ANKS1B: variants seen among roughly 807,000 people sequenced by gnomAD.
ANKS1B encodes ankyrin repeat and sterile alpha motif domain containing 1B.
Under a neutral mutation model 148.3 loss-of-function variants are expected in ANKS1B, and 36 were observed. That is an observed-to-expected ratio of 0.24 (90% CI 0.19 to 0.32). ANKS1B has a LOEUF of 0.32. Ranked by LOEUF, ANKS1B falls within the 10% of genes least tolerant of loss-of-function variation. ANKS1B has a pLI of 1.00. For missense variants in ANKS1B, 1,157 were observed against 1,542.6 expected (o/e 0.75, Z 4.19); for synonymous variants, 542 against 560.8 (o/e 0.97, Z 0.47).
Position 99,575,628 on chromosome 12 carries a change from C to T in ANKS1B, c.1273-70987G>A, listed in dbSNP as rs944159825. Among the ~76,000 whole-genome samples the T allele has an allele frequency of 1.1e-4, 17 of 152,084 alleles. No individual in the cohort carries two copies. In the East Asian group the frequency reaches 2.5e-3, roughly 22 times the overall value. ...AACCCCTTATCAAATCATCAGATCT[C>T]GTGAGACTTATTCACTACCACGAGA... On this transcript the variant is annotated intron_variant, in intron 9 of 26. Transcript: ENST00000683438.
At chr12:98,958,708 A>C (rs1156598349) in intron 17 of ANKS1B, among the ~76,000 whole-genome samples, 1 of 152,250 alleles carries the variant, frequency 6.6e-6, no homozygotes, top group Non-Finnish European at 1.5e-5. Context: ...AATAAGCTAT[A>C]AACATTTTAA....
chr12:99,740,404 C>T (rs1323115253), intron 8 of ANKS1B, among the ~76,000 whole-genome samples: 2 of 152,184 alleles, frequency 1.3e-5, no homozygotes, highest in Non-Finnish European at 2.9e-5. Flanking sequence ...TGCAGCACCT[C>T]TGTGAAATAT....
intron 1 of ANKS1B, among the ~76,000 whole-genome samples, chr12:99,914,447 TAAC>T (rs1271787088): frequency 1.3e-5 from 2 of 152,200 alleles, no homozygotes; most frequent in Non-Finnish European, 2.9e-5. Context: ...GAGTATGTGT[TAAC>T]TACTCGAGAA....
chr12:98,863,114 T>C (rs972236779), intron 17 of ANKS1B, among the ~76,000 whole-genome samples: 1 of 152,230 alleles, frequency 6.6e-6, no homozygotes, highest in Non-Finnish European at 1.5e-5. Flanking sequence ...CACAAAGACA[T>C]GCTTTACAGA....
At chr12:99,285,906 C>T (rs35218099) in intron 12 of ANKS1B, among the ~76,000 whole-genome samples, 12,876 of 152,098 alleles carry the variant, frequency 0.085, 711 homozygotes, top group Admixed American at 0.13. Context: ...GCAGTATTGT[C>T]AGAATTCTGA....
intron 14 of ANKS1B, among the ~76,000 whole-genome samples, chr12:99,225,362 C>T (rs984770587): frequency 3.3e-5 from 5 of 152,042 alleles, no homozygotes; most frequent in African/African-American, 9.7e-5. Flanking sequence ...TCAAGAAGCT[C>T]AGAGTCAAGT....
intron 15 of ANKS1B, among the ~76,000 whole-genome samples, chr12:99,132,148 T>G (rs2066307677): frequency 6.6e-6 from 1 of 151,890 alleles, no homozygotes; most frequent in Admixed American, 6.6e-5. Context: ...GAACTGCAAC[T>G]CGTGTTGGGG....
chr12:99,040,705 T>C (rs1182008684), intron 17 of ANKS1B, among the ~76,000 whole-genome samples: 1 of 152,190 alleles, frequency 6.6e-6, no homozygotes, highest in Admixed American at 6.5e-5. Context: ...GGATATATGA[T>C]GTATATATGA....
chr12:99,700,827 T>C (rs1333334532), intron 8 of ANKS1B, among the ~76,000 whole-genome samples: 1 of 152,190 alleles, frequency 6.6e-6, no homozygotes, highest in Admixed American at 6.5e-5. Context: ...TGTTCTGCAA[T>C]TCAATAAAAC....
chr12:98,807,622 C>T (rs909493002), intron 20 of ANKS1B, among the ~76,000 whole-genome samples: 5 of 152,154 alleles, frequency 3.3e-5, no homozygotes, highest in African/African-American at 9.7e-5. Context: ...TTTAACCATA[C>T]ACTTTAAAAC....
In ANKS1B at chr12:99,733,708, C is replaced by T. The variant is rs79647241; in HGVS notation, c.1128+39214G>A. Among the ~76,000 whole-genome samples, 47 of 152,284 alleles carry T rather than the reference C, an allele frequency of 3.1e-4. No homozygotes were observed. The East Asian group carries it at 8.9e-3, about 29-fold the overall frequency. The stretch of plus-strand genomic sequence containing the variant: ...AACCCAGGATGTTATAATTCTAATA[C>T]TCACCCAATGCACTAATTATCAAGA... On this transcript the variant is annotated intron_variant, in intron 8 of 26. Coordinates refer to ENST00000683438, the MANE Select transcript of ANKS1B (RefSeq NM_001352186.2).
chr12:99,448,923 T>G (rs937586365), intron 10 of ANKS1B, among the ~76,000 whole-genome samples: 1 of 152,220 alleles, frequency 6.6e-6, no homozygotes, highest in South Asian at 2.1e-4. Flanking sequence ...ATTGAAGTAA[T>G]GCTAGACAGA....
rs1291138847 is a variant in ANKS1B, at chr12:99,068,234, A to G, written c.2626-14925T>C. On this transcript the variant is annotated intron_variant, in intron 16 of 26. Coordinates refer to ENST00000683438, the MANE Select transcript of ANKS1B (RefSeq NM_001352186.2). Reference sequence around the variant, plus strand: ...ATACATGCAAATAAAGTTCTGTGTCACTTAACAACAGGGATACATCAGAAT... The same window carrying G: ...ATACATGCAAATAAAGTTCTGTGTCGCTTAACAACAGGGATACATCAGAAT... Among the ~76,000 whole-genome samples, 6 of 152,110 alleles carry G rather than the reference A, an allele frequency of 3.9e-5. No homozygotes were observed. In the East Asian group the frequency reaches 1.2e-3, roughly 29 times the overall value.
At chr12:98,755,401 C>T (rs566041620) in intron 25 of ANKS1B, among the ~76,000 whole-genome samples, 5 of 152,312 alleles carry the variant, frequency 3.3e-5, no homozygotes, top group Admixed American at 6.5e-5. Flanking sequence ...AATCTGAAAG[C>T]CCAACTGTCT....
At chr12:99,218,741 C>T (rs2084631107) in intron 14 of ANKS1B, among the ~76,000 whole-genome samples, 1 of 152,174 alleles carries the variant, frequency 6.6e-6, no homozygotes, top group Non-Finnish European at 1.5e-5. Context: ...GTGGGAGTAA[C>T]ACCTACCTCA....
chr12:99,192,131 CAAA>C (rs35767286), intron 14 of ANKS1B, among the ~76,000 whole-genome samples: 3 of 57,814 alleles, frequency 5.2e-5, no homozygotes, highest in African/African-American at 2.1e-4. Flanking sequence ...GACTCCATCT[CAAA>C]AAAAAAAAAA....
At chr12:99,502,245 CT>C (rs1342412055) in intron 10 of ANKS1B, among the ~76,000 whole-genome samples, 10 of 152,246 alleles carry the variant, frequency 6.6e-5, no homozygotes, top group East Asian at 1.9e-4. Flanking sequence ...GCTTCCCCCC[CT>C]GAATATGCTA....
chr12:98,912,532 C>G (rs1011696370), intron 17 of ANKS1B, among the ~76,000 whole-genome samples: 1 of 152,174 alleles, frequency 6.6e-6, no homozygotes, highest in Non-Finnish European at 1.5e-5. Context: ...CCTTATCACA[C>G]CACGTGTCTT....
chr12:99,571,826 G>A (rs554012314), intron 9 of ANKS1B, among the ~76,000 whole-genome samples: 51 of 152,146 alleles, frequency 3.4e-4, no homozygotes, highest in Admixed American at 2.0e-3. Flanking sequence ...AGTGTTCTAA[G>A]GACAAAGACA....
Sources: allele counts gnomAD v4.1 joint callset (sites outside exome capture counted in the v4.1 genomes callset), GRCh38; gene constraint gnomAD v4.1.1; transcripts MANE v1.5; gene names NCBI Gene and HGNC (gene_info 2026-07-23, HGNC 2026-07-21).